Variants in PUS7L observed in about 807,000 individuals in gnomAD.
PUS7L encodes pseudouridine synthase 7 like.
A neutral mutation model predicts 51.1 loss-of-function variants in PUS7L; 49 were observed. The observed-to-expected ratio is 0.96, with a 90% confidence interval of 0.76 to 1.22. The LOEUF is 1.22. Ranked by LOEUF, PUS7L falls within the 50% of genes most tolerant of loss-of-function variation. The probability of loss-of-function intolerance (pLI) is 0.00; values close to 1 mark genes in which losing one functional copy is unlikely to be tolerated. For synonymous variants in PUS7L, 277 were observed against 276.2 expected, an observed-to-expected ratio of 1.00 and a Z score of -0.03; for missense variants, 828 against 820.6, an observed-to-expected ratio of 1.01 and a Z score of -0.11.
At chr12:43,735,967 G>T (rs1298439525) in intron 7 of PUS7L, among the ~76,000 whole-genome samples, 2 of 152,016 alleles carry the variant, frequency 1.3e-5, no homozygotes, top group African/African-American at 4.8e-5. Flanking sequence ...GTAGAGATGG[G>T]GCTTCACCAT....
chr12:43,740,169 A>G (rs12310585), intron 5 of PUS7L, among the ~76,000 whole-genome samples: 30,287 of 152,068 alleles, frequency 0.2, 4,294 homozygotes, highest in African/African-American at 0.4. Context: ...TTAAAAAATA[A>G]TATCTACTAG....
intron 4 of PUS7L, 132 bp downstream of exon 4, chr12:43,745,914 G>T: frequency 1.9e-6 from 1 of 523,374 alleles, no homozygotes; most frequent in Non-Finnish European, 3.3e-6. Context: ...TATCACTTTA[G>T]AAAATAATTA....
Position 43,730,635 on chromosome 12 carries a change from T to A in PUS7L, c.1847A>T (p.Asp616Val). Residue 616 changes from aspartate to valine, a missense_variant, in exon 9 of 9, where the codon GAC (aspartate) becomes GTC (valine). By Grantham distance (152) the Asp-to-Val change is radical (BLOSUM62 -3). Coordinates refer to ENST00000344862, the MANE Select transcript of PUS7L (RefSeq NM_031292.5). ...CTGTAGTCCATCTCTGCTAAGTATG[T>A]CATGGTACCACTGCCCTACTTTGTT... Reference protein sequence around the residue: ...PKNKVGQWYHDILSRDGLQTC... With the variant: ...PKNKVGQWYHVILSRDGLQTC... The A allele has an allele frequency of 1.9e-6, 3 of 1,613,624 alleles. No homozygotes were observed. Among genetic ancestry groups the A allele is most frequent in the Non-Finnish European group, 2.5e-6 (3 of 1,179,628 alleles).
rs1236044434 is a variant in PUS7L, at chr12:43,754,999, C to T, written c.247G>A (p.Gly83Arg). ...LDLQNLSLED[G>R]RNQEVHTLIK... ...AAAGTATGAACTTCTTGGTTTCTTC[C>T]ATCTTCTAAGGACAGATTTTGAAGA... The change falls in exon 2 of 9, where the codon GGA becomes AGA. Residue 83 changes from glycine (G) to arginine (R), a missense_variant. Transcript: ENST00000344862. 1.9e-6 allele frequency: 3 copies of T among 1,612,906 alleles called. No individual in the cohort carries two copies. Among genetic ancestry groups the T allele is most frequent in the Non-Finnish European group, 1.7e-6 (2 of 1,179,578 alleles).
intron 1 of PUS7L, among the ~76,000 whole-genome samples, chr12:43,757,068 C>G (rs922104644): frequency 5.3e-5 from 8 of 152,206 alleles, no homozygotes; most frequent in African/African-American, 1.9e-4. Flanking sequence ...GCTAACTGTT[C>G]CTGTTGTTTA....
At position 43,754,849 on chromosome 12, in the gene PUS7L, T is replaced by C; in HGVS notation, c.397A>G (p.Thr133Ala). The C allele has an allele frequency of 6.2e-7, 1 of 1,613,522 alleles. No homozygotes were observed. The highest frequency in any genetic ancestry group is 8.5e-7 in the Non-Finnish European group (1 of 1,179,794). Reference sequence around the variant, plus strand: ...GCAAAATTATTCAGTAACTCATGAGTTTTTTCATCCAAAAAGGAGCTTAAA... The same window carrying C: ...GCAAAATTATTCAGTAACTCATGAGCTTTTTCATCCAAAAAGGAGCTTAAA... ...DVLSSFLDEK[T>A]HELLNNFACD... The change falls in exon 2 of 9, where the codon ACT becomes GCT. Residue 133 changes from threonine (T) to alanine (A), a missense_variant. Transcript: ENST00000344862.
rs1592153345 is a variant in PUS7L, at chr12:43,727,267, A to G, written c.*3109T>C. On this transcript the variant is annotated 3_prime_UTR_variant, in exon 9 of 9. Coordinates refer to ENST00000344862, the MANE Select transcript of PUS7L (RefSeq NM_031292.5). ...ATAAATTAGTTCAGCCTCTGTGGAA[A>G]GCAGTTTGAAGATTTCTCAAAGAAC... is the stretch of plus-strand genomic sequence containing the variant. 1 of 152,342 alleles carries G rather than the reference A, an allele frequency of 6.6e-6. No individual in the cohort carries two copies. Among genetic ancestry groups the G allele is most frequent in the East Asian group, 1.9e-4 (1 of 5,180 alleles). The allele number at this position is 152,342 out of a possible 1,614,324, so 9.4% of individuals were successfully genotyped here.
intron 7 of PUS7L, among the ~76,000 whole-genome samples, chr12:43,732,781 TTG>T (rs1944588722): frequency 6.6e-6 from 1 of 152,214 alleles, no homozygotes; most frequent in African/African-American, 2.4e-5. Context: ...TTGCTCCTTT[TTG>T]TTTTTAATTT....
Position 43,736,488 on chromosome 12 carries a change from T to A in PUS7L, c.1618A>T (p.Asn540Tyr), listed in dbSNP as rs1944692788. The A allele has an allele frequency of 6.2e-7, 1 of 1,614,184 alleles. No homozygotes were observed. Among genetic ancestry groups the A allele is most frequent in the Non-Finnish European group, 8.5e-7 (1 of 1,180,028 alleles). The change falls in exon 7 of 9, where the codon AAT (asparagine) becomes TAT (tyrosine). Residue 540 changes from asparagine to tyrosine, a missense_variant. Asn to Tyr is a moderately radical substitution (Grantham distance 143). Transcript: ENST00000344862. Reference sequence around the variant, plus strand: ...TCAAGTCTGTAAGATACTGCCTCATTCCAAATTTTGCTGGTATATGCGTGA... The same window carrying A: ...TCAAGTCTGTAAGATACTGCCTCATACCAAATTTTGCTGGTATATGCGTGA... ...YVHAYTSKIW[N>Y]EAVSYRLETY...
intron 7 of PUS7L, among the ~76,000 whole-genome samples, chr12:43,735,163 A>G (rs1944655274): frequency 6.6e-6 from 1 of 151,942 alleles, no homozygotes; most frequent in African/African-American, 2.4e-5. Flanking sequence ...AAAATAAAAA[A>G]AAAATTAGCC....
At chr12:43,738,636 T>A (rs1040878636) in intron 5 of PUS7L, among the ~76,000 whole-genome samples, 1 of 152,256 alleles carries the variant, frequency 6.6e-6, no homozygotes, top group East Asian at 1.9e-4. Context: ...TATTTCCCTA[T>A]CACTTCCATA....
In PUS7L at chr12:43,751,039, A is replaced by G. The variant is rs569102583; in HGVS notation, c.911-2430T>C. ...TATTGTTGCGTAACAAGTCACTTCA[A>G]ATCTTAGTGGCTTACAATATTCATT... On this transcript the variant is annotated intron_variant, in intron 2 of 8. Transcript: ENST00000344862. Among the ~76,000 whole-genome samples the G allele has an allele frequency of 2.0e-5, 3 of 152,224 alleles. No individual in the cohort carries two copies. In the South Asian group the frequency reaches 6.2e-4, roughly 32 times the overall value.
At chr12:43,749,641 G>A (rs1211933405) in intron 2 of PUS7L, among the ~76,000 whole-genome samples, 1 of 152,142 alleles carries the variant, frequency 6.6e-6, no homozygotes, top group Non-Finnish European at 1.5e-5. Flanking sequence ...CTGCACTCCA[G>A]CCTGGGTGAA....
At chr12:43,746,833 CTA>C (rs1938195169) in intron 3 of PUS7L, among the ~76,000 whole-genome samples, 1 of 152,190 alleles carries the variant, frequency 6.6e-6, no homozygotes, top group Admixed American at 6.5e-5. Context: ...AAATGTATCT[CTA>C]GTTTTTTGCG....
rs1358737011 is a variant in PUS7L, at chr12:43,727,550, G to A, written c.*2826C>T. 2 of 152,104 alleles carry A rather than the reference G, an allele frequency of 1.3e-5. No homozygotes were observed. The highest frequency in any genetic ancestry group is 3.9e-4 in the East Asian group (2 of 5,188). The allele number at this position is 152,104 out of a possible 1,614,324, so 9.4% of individuals were successfully genotyped here. ...CTTTCCAGCAACATGGATGTAGCTGGAGGCCATTATTGTAAGCAAATTAAT... is the reference window on the plus strand; with the variant it reads ...CTTTCCAGCAACATGGATGTAGCTGAAGGCCATTATTGTAAGCAAATTAAT... On this transcript the variant is annotated 3_prime_UTR_variant, in exon 9 of 9. Transcript: ENST00000344862.
At position 43,721,284 on chromosome 12, in the gene PUS7L, C is replaced by A. The variant is rs1944394423; in HGVS notation, c.*9092G>T. 6.6e-6 allele frequency: 1 copy of A among 152,142 alleles called. No individual in the cohort carries two copies. The highest frequency in any genetic ancestry group is 1.5e-5 in the Non-Finnish European group (1 of 68,010). 9.4% of individuals were successfully genotyped at this position (152,142 alleles called of 1,614,324 possible). On this transcript the variant is annotated 3_prime_UTR_variant, in exon 9 of 9. Transcript: ENST00000344862. ...ACTTAACTTCTTCAAGCCCTGGAAT[C>A]CTCATTTGTTAAATGAGACTAGTTA...
chr12:43,743,757 C>T (rs184209021), intron 4 of PUS7L, among the ~76,000 whole-genome samples: 2,786 of 150,564 alleles, frequency 0.019, 33 homozygotes, highest in Non-Finnish European at 0.028. Flanking sequence ...AGCGAGACTC[C>T]GTCTCAAAAA....
intron 3 of PUS7L, among the ~76,000 whole-genome samples, chr12:43,746,959 A>G (rs971301472): frequency 2.6e-5 from 4 of 152,220 alleles, no homozygotes; most frequent in African/African-American, 9.6e-5. Context: ...ACACTTTAAC[A>G]TCTAAAGTTC....
At chr12:43,744,035 T>G (rs1938043912) in intron 4 of PUS7L, among the ~76,000 whole-genome samples, 1 of 152,172 alleles carries the variant, frequency 6.6e-6, no homozygotes, top group Admixed American at 6.5e-5. Flanking sequence ...TGGCTAAAAC[T>G]AAGATTGTTT....
Sources: gnomAD v4.1 joint callset for allele counts (sites outside exome capture counted in the v4.1 genomes callset) on GRCh38, gnomAD v4.1.1 for gene constraint, MANE v1.5 for transcripts, NCBI Gene and HGNC (gene_info 2026-07-23, HGNC 2026-07-21) for gene names.